TAMM41: variants seen among roughly 807,000 people sequenced by gnomAD.
TAMM41 encodes the protein phosphatidate cytidylyltransferase, mitochondrial.
TAMM41 carries 36 observed loss-of-function variants against 44.1 expected under a neutral mutation model. The ratio of observed to expected loss-of-function variants is 0.82; its 90% CI spans 0.63 to 1.08. The LOEUF is 1.08. Among genes scored for constraint, TAMM41 ranks in the 50% least tolerant of loss-of-function variants. The pLI, the probability that TAMM41 is intolerant of heterozygous loss-of-function variation, is 0.00. For missense variants in TAMM41, 417 were observed against 404.3 expected (o/e 1.03, Z -0.27); for synonymous variants, 164 against 153.1 (o/e 1.07, Z -0.53).
At chr3:11,724,725 C>T in the TAMM41 span, 40,942 of 151,854 alleles carry the variant, frequency 0.27, 5,681 homozygotes, top group Middle Eastern at 0.37. Flanking sequence ...CATGAGCCAC[C>T]GCACCCAGCC....
intron 7 of TAMM41, among the ~76,000 whole-genome samples, chr3:11,794,655 G>A (rs974290681): frequency 2.0e-5 from 3 of 152,124 alleles, no homozygotes; most frequent in Admixed American, 6.5e-5. Flanking sequence ...TGGCTCCTTA[G>A]GTTTCTCTTC....
At chr3:11,777,701 G>T in the TAMM41 span, among the ~76,000 whole-genome samples, 11 of 152,140 alleles carry the variant, frequency 7.2e-5, no homozygotes, top group Admixed American at 6.5e-4. Flanking sequence ...GGCTGAGGCA[G>T]GAGAATCTCT....
At chr3:11,767,983 A>G in the TAMM41 span, among the ~76,000 whole-genome samples, 1 of 151,144 alleles carries the variant, frequency 6.6e-6, no homozygotes, top group African/African-American at 2.4e-5. Flanking sequence ...TCAAAGCCAC[A>G]GTAAGACACC....
At chr3:11,787,295 T>C (rs1419658178), downstream of TAMM41, among the ~76,000 whole-genome samples, 4 of 152,190 alleles carry the variant, frequency 2.6e-5, no homozygotes. Flanking sequence ...TGAATGCTAC[T>C]GCTAGGAGGT....
At chr3:11,754,179 C>G in the TAMM41 span, among the ~76,000 whole-genome samples, 2 of 151,980 alleles carry the variant, frequency 1.3e-5, no homozygotes, top group Non-Finnish European at 2.9e-5. Context: ...GTCTGTATAT[C>G]CTGTGGGTTC....
chr3:11,839,662 A>C (rs1448971390), intron 2 of TAMM41, among the ~76,000 whole-genome samples: 1 of 152,190 alleles, frequency 6.6e-6, no homozygotes, highest in Admixed American at 6.5e-5. Context: ...AGGAGGAGGA[A>C]TATAGTTTAT....
At chr3:11,753,598 G>T in the TAMM41 span, among the ~76,000 whole-genome samples, 2 of 151,436 alleles carry the variant, frequency 1.3e-5, no homozygotes, top group African/African-American at 4.9e-5. Context: ...AAAAGTGGGC[G>T]TGGTGGCGGG....
In TAMM41 at chr3:11,808,075, C is replaced by T. The variant is rs184986178; in HGVS notation, c.875-180G>A. On this transcript the variant is annotated intron_variant, in intron 6 of 7. Transcript: ENST00000455809. ...GGCAGTGGGATTGAGGGCCAGGAGA[C>T]CAGAGCAGCCAGCCGTGGCGCCACC... is the stretch of plus-strand genomic sequence containing the variant. The T allele has an allele frequency of 1.1e-5, 14 of 1,242,742 alleles. No individual in the cohort carries two copies. The East Asian group carries it at 2.1e-4, about 18-fold the overall frequency. The allele number at this position is 1,242,742 out of a possible 1,614,324, so 77.0% of individuals were successfully genotyped here.
chr3:11,824,357 A>ATTTTTTTTTTTTTTTTTTTT, intron 4 of TAMM41, among the ~76,000 whole-genome samples: 1 of 105,136 alleles, frequency 9.5e-6, no homozygotes, highest in Non-Finnish European at 1.9e-5. Context: ...TGCCTGGCTA[A>ATTTTTTTTTTTTTTTTTTTT]TTTTTTTTTT....
At chr3:11,748,202 G>T in the TAMM41 span, among the ~76,000 whole-genome samples, 1 of 151,764 alleles carries the variant, frequency 6.6e-6, no homozygotes, top group Non-Finnish European at 1.5e-5. Context: ...AATCAAACAC[G>T]AGTATCTCCC....
At chr3:11,750,736 A>G in the TAMM41 span, among the ~76,000 whole-genome samples, 1 of 152,216 alleles carries the variant, frequency 6.6e-6, no homozygotes, top group African/African-American at 2.4e-5. Flanking sequence ...GGGTATCCAC[A>G]AGCTAAAGTC....
downstream of TAMM41, among the ~76,000 whole-genome samples, chr3:11,785,801 T>G (rs1343853919): frequency 6.6e-6 from 1 of 152,002 alleles, no homozygotes; most frequent in African/African-American, 2.4e-5. Context: ...TTACTTTTTG[T>G]AGAGATGAGG....
the TAMM41 span, among the ~76,000 whole-genome samples, chr3:11,760,541 T>TG: frequency 5.3e-5 from 8 of 150,704 alleles, no homozygotes; most frequent in African/African-American, 1.5e-4. Context: ...GTAAGTACAA[T>TG]TTTTTGTTTT....
chr3:11,738,234 A>T, the TAMM41 span, among the ~76,000 whole-genome samples: 1 of 152,244 alleles, frequency 6.6e-6, no homozygotes, highest in Admixed American at 6.5e-5. Flanking sequence ...TGAGAAAGTA[A>T]TTAGGAGCAT....
chr3:11,804,210 T>C (rs2077835883), intron 7 of TAMM41, among the ~76,000 whole-genome samples: 1 of 152,052 alleles, frequency 6.6e-6, no homozygotes, highest in Admixed American at 6.6e-5. Context: ...AAATAATGAG[T>C]GGAAAGAGGA....
At chr3:11,751,547 GT>G in the TAMM41 span, among the ~76,000 whole-genome samples, 1 of 152,290 alleles carries the variant, frequency 6.6e-6, no homozygotes, top group African/African-American at 2.4e-5. Flanking sequence ...GAACCTCATG[GT>G]TGAGAATGAT....
At chr3:11,790,907 CTG>C (rs2077463581) in intron 7 of TAMM41, among the ~76,000 whole-genome samples, 1 of 152,192 alleles carries the variant, frequency 6.6e-6, no homozygotes, top group South Asian at 2.1e-4. Flanking sequence ...GGATAAGACT[CTG>C]TATGCCACTG....
At chr3:11,771,810 T>C in the TAMM41 span, among the ~76,000 whole-genome samples, 1 of 151,836 alleles carries the variant, frequency 6.6e-6, no homozygotes, top group Admixed American at 6.6e-5. Context: ...ATCAAACTCC[T>C]GACCTCAGGT....
intron 5 of TAMM41, among the ~76,000 whole-genome samples, chr3:11,816,758 T>C (rs1280704023): frequency 2.0e-5 from 3 of 150,968 alleles, no homozygotes; most frequent in Non-Finnish European, 4.4e-5. Flanking sequence ...GGGAACAGAG[T>C]CAGACCCTGT....
Sources: allele counts gnomAD v4.1 joint callset (sites outside exome capture counted in the v4.1 genomes callset), GRCh38; gene constraint gnomAD v4.1.1; transcripts MANE v1.5; gene names NCBI Gene and HGNC (gene_info 2026-07-23, HGNC 2026-07-21).